Variants in ELP4 observed in about 807,000 individuals in gnomAD.
ELP4 encodes the protein elongator acetyltransferase complex subunit 4, also known as elongator complex protein 4.
Under a neutral mutation model 48.9 loss-of-function variants are expected in ELP4, and 51 were observed. That is an observed-to-expected ratio of 1.04 (90% CI 0.83 to 1.32). ELP4 has a LOEUF of 1.32. Ranked by LOEUF, ELP4 falls within the 40% of genes most tolerant of loss-of-function variation. The pLI is 0.00. For synonymous variants in ELP4, 210 were observed against 189.2 expected, an observed-to-expected ratio of 1.11 and a Z score of -0.90; for missense variants, 519 against 514.6, an observed-to-expected ratio of 1.01 and a Z score of -0.08.
At chr11:31,568,669 G>A (rs1957149940) in intron 3 of ELP4, among the ~76,000 whole-genome samples, 1 of 152,104 alleles carries the variant, frequency 6.6e-6, no homozygotes, top group Non-Finnish European at 1.5e-5. Context: ...ACAAAAGTAA[G>A]CAATGAGGAA....
At chr11:31,692,277 T>C (rs897716867) in intron 9 of ELP4, among the ~76,000 whole-genome samples, 15 of 152,118 alleles carry the variant, frequency 9.9e-5, no homozygotes, top group African/African-American at 3.6e-4. Flanking sequence ...GTACAGACCA[T>C]GGTTTTCAGA....
intron 7 of ELP4, among the ~76,000 whole-genome samples, chr11:31,634,722 T>G (rs989300444): frequency 3.3e-5 from 5 of 152,042 alleles, no homozygotes; most frequent in African/African-American, 1.2e-4. Context: ...CAGGTATATT[T>G]CAGCCCCTGT....
At chr11:31,660,826 A>G (rs547709521) in intron 9 of ELP4, among the ~76,000 whole-genome samples, 4 of 152,232 alleles carry the variant, frequency 2.6e-5, no homozygotes, top group Admixed American at 2.0e-4. Flanking sequence ...AAGGAATCCA[A>G]CTAGATAGTG....
intron 2 of ELP4, among the ~76,000 whole-genome samples, chr11:31,526,232 A>G (rs953734194): frequency 6.6e-6 from 1 of 152,118 alleles, no homozygotes; most frequent in East Asian, 1.9e-4. Flanking sequence ...GCTGAGATTC[A>G]CAATCAAATT....
At chr11:31,595,056 A>C (rs1957648817) in intron 4 of ELP4, among the ~76,000 whole-genome samples, 155 bp downstream of exon 4, 1 of 152,154 alleles carries the variant, frequency 6.6e-6, no homozygotes, top group Non-Finnish European at 1.5e-5. Context: ...ATTTCTTACA[A>C]ATAAAATCTA....
intron 9 of ELP4, among the ~76,000 whole-genome samples, chr11:31,691,519 TG>T (rs905196734): frequency 6.6e-6 from 1 of 152,104 alleles, no homozygotes; most frequent in African/African-American, 2.4e-5. Context: ...TGTTTAAAAT[TG>T]ATTTAGTGTC....
chr11:31,635,809 A>C (rs981568933), intron 7 of ELP4, among the ~76,000 whole-genome samples: 2 of 152,082 alleles, frequency 1.3e-5, no homozygotes, highest in Non-Finnish European at 2.9e-5. Context: ...TCAGGCTACA[A>C]AAAATAAGAT....
intron 9 of ELP4, among the ~76,000 whole-genome samples, chr11:31,669,505 G>C (rs547663789): frequency 2.4e-4 from 36 of 152,222 alleles, no homozygotes; most frequent in African/African-American, 8.2e-4. Context: ...TTCAAGACTA[G>C]GTTAGATAGC....
chr11:31,644,970 A>G (rs542217799), intron 7 of ELP4, among the ~76,000 whole-genome samples: 1 of 151,924 alleles, frequency 6.6e-6, no homozygotes, highest in East Asian at 1.9e-4. Flanking sequence ...TGTTTTTCAG[A>G]TATCCCTACA....
In ELP4 at chr11:31,753,024, G is replaced by A. The variant is rs1250844491; in HGVS notation, c.1144-30369G>A. The stretch of plus-strand genomic sequence containing the variant: ...TTTACTCATCTGTATAAGGGTCATC[G>A]AGAAGATTAACCAATGTAAAGTACC... On this transcript the variant is annotated intron_variant, in intron 9 of 9. Coordinates refer to ENST00000640961, the MANE Select transcript of ELP4 (RefSeq NM_019040.5). 2.6e-5 allele frequency among the ~76,000 whole-genome samples: 4 copies of A among 152,018 alleles called. No homozygotes were observed. The East Asian group carries it at 5.8e-4, about 22-fold the overall frequency.
chr11:31,729,323 G>A (rs1947136760), intron 9 of ELP4, among the ~76,000 whole-genome samples: 1 of 152,234 alleles, frequency 6.6e-6, no homozygotes, highest in Non-Finnish European at 1.5e-5. Context: ...TAGTATCTAT[G>A]TACTAACTTA....
intron 1 of ELP4, among the ~76,000 whole-genome samples, chr11:31,515,339 T>C (rs980120467): frequency 1.1e-4 from 16 of 152,188 alleles, no homozygotes; most frequent in African/African-American, 3.9e-4. Flanking sequence ...TTCTAAACAT[T>C]AGAATTTTAA....
At chr11:31,567,014 G>A (rs1046089100) in intron 3 of ELP4, among the ~76,000 whole-genome samples, 5 of 149,702 alleles carry the variant, frequency 3.3e-5, no homozygotes, top group Non-Finnish European at 7.4e-5. Flanking sequence ...AATAGCACTG[G>A]CAATGTAGTA....
intron 9 of ELP4, among the ~76,000 whole-genome samples, chr11:31,656,774 G>T (rs1945445054): frequency 6.6e-6 from 1 of 151,984 alleles, no homozygotes; most frequent in African/African-American, 2.4e-5. Flanking sequence ...AGGGGAAAAG[G>T]TCTCTTCTCC....
chr11:31,673,725 T>C (rs1311292025), intron 9 of ELP4, among the ~76,000 whole-genome samples: 3 of 152,240 alleles, frequency 2.0e-5, no homozygotes, highest in Non-Finnish European at 4.4e-5. Context: ...ACAATTTTAA[T>C]TGTTAAAACT....
intron 9 of ELP4, among the ~76,000 whole-genome samples, chr11:31,668,320 G>A (rs1253373029): frequency 2.0e-5 from 3 of 151,978 alleles, no homozygotes; most frequent in Non-Finnish European, 2.9e-5. Context: ...CCTGAAAAAT[G>A]CCTTAACACC....
rs1175251554 is a variant in ELP4 at position 31,543,861 on chromosome 11, A to G, written c.381+4078A>G. Among the ~76,000 whole-genome samples the G allele has an allele frequency of 2.0e-5, 3 of 152,214 alleles. 1 individual carries two copies. The East Asian group carries it at 5.8e-4, about 29-fold the overall frequency. ...ATCTTTCATAAACAAAGATTTTACA[A>G]TTTAAAAAGGTGGTTTTTTATGAAA... On this transcript the variant is annotated intron_variant, in intron 3 of 9. Coordinates refer to ENST00000640961, the MANE Select transcript of ELP4 (RefSeq NM_019040.5).
intron 9 of ELP4, among the ~76,000 whole-genome samples, chr11:31,689,591 A>G (rs879766160): frequency 6.6e-6 from 1 of 152,082 alleles, no homozygotes; most frequent in Non-Finnish European, 1.5e-5. Flanking sequence ...TGAGAATTAC[A>G]TTATGTGAAA....
chr11:31,564,391 TA>T (rs1957071281), intron 3 of ELP4, among the ~76,000 whole-genome samples: 3 of 151,886 alleles, frequency 2.0e-5, no homozygotes, highest in Non-Finnish European at 4.4e-5. Context: ...TTTTTTTTTT[TA>T]ATTATACTTT....
Sources: gnomAD v4.1 joint callset for allele counts (sites outside exome capture counted in the v4.1 genomes callset) on GRCh38, gnomAD v4.1.1 for gene constraint, MANE v1.5 for transcripts, NCBI Gene and HGNC (gene_info 2026-07-23, HGNC 2026-07-21) for gene names.